RREB1: variants seen among roughly 807,000 people sequenced by gnomAD.
RREB1 encodes ras responsive element binding protein 1.
Under a neutral mutation model 117.8 loss-of-function variants are expected in RREB1, and 27 were observed. The observed-to-expected ratio is 0.23, with a 90% CI of 0.17 to 0.32. The LOEUF (loss-of-function observed/expected upper bound fraction) is 0.32. Ranked by LOEUF, RREB1 falls within the 10% of genes least tolerant of loss-of-function variation. RREB1 has a pLI of 1.00. For missense variants in RREB1, 2,577 were observed against 2,378.2 expected, an observed-to-expected ratio of 1.08 and a Z score of -1.74; for synonymous variants, 1,298 against 1,026.7, an observed-to-expected ratio of 1.26 and a Z score of -5.05.
At chr6:7,116,222 A>G (rs1258161160) in intron 1 of RREB1, among the ~76,000 whole-genome samples, 1 of 152,214 alleles carries the variant, frequency 6.6e-6, no homozygotes, top group Admixed American at 6.5e-5. Flanking sequence ...CTGAATTTCT[A>G]GTCTCAGCTC....
intron 2 of RREB1, among the ~76,000 whole-genome samples, chr6:7,179,512 T>A (rs1268286221): frequency 6.6e-6 from 1 of 152,238 alleles, no homozygotes; most frequent in Non-Finnish European, 1.5e-5. Flanking sequence ...TCTAGTCAGT[T>A]ATGTTGTAAT....
chr6:7,117,081 G>A (rs187700589), intron 1 of RREB1, among the ~76,000 whole-genome samples: 44 of 152,240 alleles, frequency 2.9e-4, no homozygotes, highest in East Asian at 2.7e-3. Flanking sequence ...AGAATACCAA[G>A]CCAGAAATCT....
chr6:7,194,300 A>G (rs1301956942), intron 6 of RREB1, among the ~76,000 whole-genome samples: 2 of 152,200 alleles, frequency 1.3e-5, no homozygotes, highest in Non-Finnish European at 2.9e-5. Context: ...CTGTAATCTC[A>G]GCACTTTGGG....
chr6:7,135,861 G>A (rs1762333349), intron 1 of RREB1, among the ~76,000 whole-genome samples: 1 of 152,182 alleles, frequency 6.6e-6, no homozygotes, highest in African/African-American at 2.4e-5. Context: ...ATGGGATTTG[G>A]GAAGATCACA....
At chr6:7,175,374 G>C (rs575892780) in intron 1 of RREB1, among the ~76,000 whole-genome samples, 1 of 151,680 alleles carries the variant, frequency 6.6e-6, no homozygotes, top group Non-Finnish European at 1.5e-5. Flanking sequence ...GGGTGGGATG[G>C]GGGGGGTATA....
intron 8 of RREB1, chr6:7,216,264 TCA>T (rs1337675421): frequency 1.3e-5 from 2 of 152,194 alleles, no homozygotes; most frequent in African/African-American, 4.8e-5. Context: ...CACATTTCCC[TCA>T]GATTCCAGGC....
chr6:7,163,487 GT>G (rs1199660174), intron 1 of RREB1, among the ~76,000 whole-genome samples: 1 of 152,058 alleles, frequency 6.6e-6, no homozygotes, highest in African/African-American at 2.4e-5. Flanking sequence ...TACCTCCTGG[GT>G]TCACACCATT....
chr6:7,227,497 C>T (rs1019701677), intron 9 of RREB1, among the ~76,000 whole-genome samples: 1 of 149,376 alleles, frequency 6.7e-6, no homozygotes, highest in Admixed American at 6.7e-5. Context: ...GTCGAGATCG[C>T]GCCACTGCAC....
At chr6:7,123,862 C>T (rs978078509) in intron 1 of RREB1, among the ~76,000 whole-genome samples, 1 of 152,032 alleles carries the variant, frequency 6.6e-6, no homozygotes, top group Non-Finnish European at 1.5e-5. Flanking sequence ...CCACCTGCCT[C>T]GGCCTCCCAA....
chr6:7,182,376 C>T (rs1013684609), intron 4 of RREB1, among the ~76,000 whole-genome samples: 16 of 152,174 alleles, frequency 1.1e-4, no homozygotes, highest in Non-Finnish European at 1.8e-4. Context: ...CAGGGAACAT[C>T]ACTGATTTCT....
At chr6:7,119,866 G>A (rs921027569) in intron 1 of RREB1, among the ~76,000 whole-genome samples, 5 of 152,266 alleles carry the variant, frequency 3.3e-5, no homozygotes, top group African/African-American at 1.2e-4. Context: ...TTTGAAAACC[G>A]GTGGTGGCAG....
At chr6:7,114,486 C>T (rs1285953188) in intron 1 of RREB1, among the ~76,000 whole-genome samples, 1 of 148,922 alleles carries the variant, frequency 6.7e-6, no homozygotes, top group East Asian at 2.0e-4. Flanking sequence ...GGGGCGGCAG[C>T]GGGGAGCTGC....
chr6:7,227,415 C>G (rs1397938228), intron 9 of RREB1, among the ~76,000 whole-genome samples: 1 of 151,898 alleles, frequency 6.6e-6, no homozygotes, highest in African/African-American at 2.4e-5. Context: ...GTAGCATGCA[C>G]CTGTAATCCC....
At chr6:7,222,065 G>T (rs1318667836) in intron 8 of RREB1, among the ~76,000 whole-genome samples, 1 of 152,222 alleles carries the variant, frequency 6.6e-6, no homozygotes, top group Non-Finnish European at 1.5e-5. Context: ...AAAGGAACAG[G>T]AGAGAAGTGA....
At chr6:7,127,934 G>A (rs1762007520) in intron 1 of RREB1, among the ~76,000 whole-genome samples, 1 of 152,052 alleles carries the variant, frequency 6.6e-6, no homozygotes. Context: ...ATGTGCCCGA[G>A]GCCTGAAAAG....
chr6:7,147,951 C>T (rs1762948046), intron 1 of RREB1, among the ~76,000 whole-genome samples: 2 of 152,202 alleles, frequency 1.3e-5, no homozygotes, highest in Admixed American at 1.3e-4. Context: ...CTGGACACTG[C>T]TGGATTGCCA....
intron 8 of RREB1, among the ~76,000 whole-genome samples, chr6:7,223,652 A>G (rs997964971): frequency 2.6e-5 from 4 of 151,656 alleles, no homozygotes; most frequent in Admixed American, 6.6e-5. Context: ...TAAAATGTCT[A>G]TTTGGTAATG....
intron 11 of RREB1, among the ~76,000 whole-genome samples, chr6:7,242,642 T>TTCCCC (rs56090832): frequency 1.5e-5 from 2 of 134,728 alleles, no homozygotes; most frequent in Non-Finnish European, 3.2e-5. Context: ...CATTCTGGGT[T>TTCCCC]CCCCCCCCCC....
chr6:7,167,969 C>A (rs893838775), intron 1 of RREB1, among the ~76,000 whole-genome samples: 1 of 151,512 alleles, frequency 6.6e-6, no homozygotes, highest in African/African-American at 2.4e-5. Flanking sequence ...ATTTAAGACT[C>A]CCCATGTCAG....
Sources: gnomAD v4.1 joint callset for allele counts (sites outside exome capture counted in the v4.1 genomes callset) on GRCh38, gnomAD v4.1.1 for gene constraint, MANE v1.5 for transcripts, NCBI Gene and HGNC (gene_info 2026-07-23, HGNC 2026-07-21) for gene names.